CD247: variants seen among roughly 807,000 people sequenced by gnomAD.
CD247 encodes CD247 molecule.
Under a neutral mutation model 30.0 loss-of-function variants are expected in CD247, and 13 were observed. The ratio of observed to expected loss-of-function variants is 0.43; its 90% confidence interval spans 0.28 to 0.69. The LOEUF (loss-of-function observed/expected upper bound fraction) is 0.69, where lower values mean the gene tolerates loss of function less well. CD247 is among the 30% of genes least tolerant of loss of function. The pLI, the probability that CD247 is intolerant of heterozygous loss-of-function variation, is 0.16. For synonymous variants in CD247, 72 were observed against 80.0 expected (o/e 0.90, Z 0.53); for missense variants, 193 against 212.6 (o/e 0.91, Z 0.57).
At position 167,451,800 on chromosome 1, in the gene CD247, G is replaced by A. The variant is rs551103936; in HGVS notation, c.59-11033C>T. Among the ~76,000 whole-genome samples, 3 of 152,322 alleles carry A rather than the reference G, an allele frequency of 2.0e-5. No homozygotes were observed. In the South Asian group the frequency reaches 6.2e-4, roughly 32 times the overall value. On this transcript the variant is annotated intron_variant, in intron 1 of 7. Transcript: ENST00000362089. ...TGGGGGCCCTGATCCAATATGACTC[G>A]TGTCCTTGTAAGAAGACAAGATTAG...
chr1:167,449,436 G>A lies in CD247; in HGVS notation c.59-8669C>T, dbSNP rs1025806446. Reference sequence around the variant, plus strand: ...CCCAAAGTGCTGGGATTACAGGTGTGAGCCACCGAGCCCAGCCTTTGTGAT... The same window carrying A: ...CCCAAAGTGCTGGGATTACAGGTGTAAGCCACCGAGCCCAGCCTTTGTGAT... On this transcript the variant is annotated intron_variant, in intron 1 of 7. Transcript: ENST00000362089. 8.6e-5 allele frequency among the ~76,000 whole-genome samples: 13 copies of A among 151,492 alleles called. No individual in the cohort carries two copies. In the Middle Eastern group the frequency reaches 0.01, roughly 120 times the overall value.
At chr1:167,449,149 C>CTTTTTTTTTTTTTTTTTT (rs71097676) in intron 1 of CD247, among the ~76,000 whole-genome samples, 4 of 66,420 alleles carry the variant, frequency 6.0e-5, no homozygotes, top group African/African-American at 7.5e-5. Flanking sequence ...TTTTTCTTTT[C>CTTTTTTTTTTTTTTTTTT]TTTTTTTTTT....
At chr1:167,459,348 C>CTTTTTTT (rs34706916) in intron 1 of CD247, among the ~76,000 whole-genome samples, 26 of 80,418 alleles carry the variant, frequency 3.2e-4, no homozygotes, top group Non-Finnish European at 4.8e-4. Flanking sequence ...CCTTACAACT[C>CTTTTTTT]TTTTTTTTTT....
intron 1 of CD247, chr1:167,458,591 C>T (rs996982746): frequency 6.6e-6 from 1 of 152,098 alleles, no homozygotes; most frequent in African/African-American, 2.4e-5. Flanking sequence ...TCTTTCAAGG[C>T]TCGGCTCAAA....
At chr1:167,496,034 G>A (rs1301978514) in intron 1 of CD247, among the ~76,000 whole-genome samples, 1 of 152,124 alleles carries the variant, frequency 6.6e-6, no homozygotes, top group Non-Finnish European at 1.5e-5. Context: ...TGGGATCTGG[G>A]ATTTTGTTGC....
intron 4 of CD247, among the ~76,000 whole-genome samples, chr1:167,437,387 A>T (rs1651597953): frequency 6.8e-6 from 1 of 146,948 alleles, no homozygotes; most frequent in Non-Finnish European, 1.5e-5. Context: ...CCTGGGCAAC[A>T]AAAGCTAAAC....
At chr1:167,434,959 TTCCTCCGGAGCCCTCCTCCAGC>T (rs1651465985) in intron 5 of CD247, 1 of 384,470 alleles carries the variant, frequency 2.6e-6, no homozygotes, top group African/African-American at 2.8e-5. Context: ...CCTCCAGCCC[TTCCTCCGGAGCCCTCCTCCAGC>T]CCTTCCTCCA....
At chr1:167,493,285 C>T (rs552382010) in intron 1 of CD247, among the ~76,000 whole-genome samples, 86 of 152,160 alleles carry the variant, frequency 5.7e-4, no homozygotes, top group African/African-American at 1.7e-3. Context: ...TCAGGCAATC[C>T]GCCAGCCTCG....
intron 1 of CD247, among the ~76,000 whole-genome samples, chr1:167,470,974 C>T (rs1653497332): frequency 6.6e-6 from 1 of 151,260 alleles, no homozygotes; most frequent in Non-Finnish European, 1.5e-5. Flanking sequence ...TGGGTTCAAG[C>T]AACTCTCCTG....
At chr1:167,513,139 ACGATG>A (rs1655464268) in intron 1 of CD247, among the ~76,000 whole-genome samples, 1 of 152,258 alleles carries the variant, frequency 6.6e-6, no homozygotes, top group Non-Finnish European at 1.5e-5. Flanking sequence ...TGAAGAAAAT[ACGATG>A]CATGGATGCT....
chr1:167,510,687 AT>A (rs1655349808), intron 1 of CD247, among the ~76,000 whole-genome samples: 1 of 152,196 alleles, frequency 6.6e-6, no homozygotes, highest in African/African-American at 2.4e-5. Context: ...AGCCAGTACA[AT>A]TTTGCATGGT....
intron 1 of CD247, among the ~76,000 whole-genome samples, chr1:167,507,222 ATT>A (rs766016142): frequency 4.8e-5 from 7 of 144,988 alleles, no homozygotes; most frequent in African/African-American, 5.1e-5. Context: ...CCTGGCCTGA[ATT>A]TTTTTTTTTT....
At chr1:167,499,351 G>A (rs541545672) in intron 1 of CD247, among the ~76,000 whole-genome samples, 9 of 152,160 alleles carry the variant, frequency 5.9e-5, no homozygotes, top group Non-Finnish European at 1.0e-4. Flanking sequence ...CCAAGCATTC[G>A]ATCAAGAGGG....
chr1:167,502,453 T>A (rs532945534), intron 1 of CD247, among the ~76,000 whole-genome samples: 5 of 152,346 alleles, frequency 3.3e-5, no homozygotes, highest in African/African-American at 1.2e-4. Context: ...ACCTCTGAGG[T>A]ACCATCTTTA....
chr1:167,490,752 T>C (rs1285227424), intron 1 of CD247, among the ~76,000 whole-genome samples: 1 of 152,038 alleles, frequency 6.6e-6, no homozygotes, highest in Non-Finnish European at 1.5e-5. Flanking sequence ...TCGTCTCTAC[T>C]AAAAATACAA....
chr1:167,486,555 GT>G (rs1251349354), intron 1 of CD247, among the ~76,000 whole-genome samples: 1 of 152,268 alleles, frequency 6.6e-6, no homozygotes, highest in Non-Finnish European at 1.5e-5. Flanking sequence ...CCCGCCTCGA[GT>G]TTGCGGATAG....
chr1:167,470,994 C>T (rs1653498435), intron 1 of CD247, among the ~76,000 whole-genome samples: 1 of 151,758 alleles, frequency 6.6e-6, no homozygotes, highest in South Asian at 2.1e-4. Context: ...GCCTCAGCTT[C>T]CCGAGTAGCT....
chr1:167,454,971 G>C (rs1652565681), intron 1 of CD247, among the ~76,000 whole-genome samples: 1 of 152,202 alleles, frequency 6.6e-6, no homozygotes, highest in South Asian at 2.1e-4. Context: ...AGAAACCCGT[G>C]CATCCATCGG....
chr1:167,465,330 T>TTC (rs1250538858), intron 1 of CD247, among the ~76,000 whole-genome samples: 6 of 143,550 alleles, frequency 4.2e-5, no homozygotes, highest in Non-Finnish European at 4.6e-5. Flanking sequence ...TCTTTTTCTT[T>TTC]TTTTTTTTTT....
Sources: gnomAD v4.1 joint callset for allele counts (sites outside exome capture counted in the v4.1 genomes callset) on GRCh38, gnomAD v4.1.1 for gene constraint, MANE v1.5 for transcripts, NCBI Gene and HGNC (gene_info 2026-07-23, HGNC 2026-07-21) for gene names.